Variants in PTPRG observed in about 807,000 individuals in gnomAD.
PTPRG encodes protein tyrosine phosphatase receptor type G.
In PTPRG, 102 loss-of-function variants were observed where a neutral mutation model predicts 165.3. The observed-to-expected ratio is 0.62, with a 90% CI of 0.53 to 0.73. The LOEUF (loss-of-function observed/expected upper bound fraction) is 0.73. Ranked by LOEUF, PTPRG falls within the 30% of genes least tolerant of loss-of-function variation. PTPRG has a pLI of 0.00. For synonymous variants in PTPRG, 675 were observed against 669.5 expected, an observed-to-expected ratio of 1.01 and a Z score of -0.13; for missense variants, 1,866 against 1,861.4, an observed-to-expected ratio of 1.00 and a Z score of -0.05.
intron 2 of PTPRG, among the ~76,000 whole-genome samples, chr3:61,976,885 G>T (rs1194764455): frequency 6.6e-6 from 1 of 152,052 alleles, no homozygotes; most frequent in African/African-American, 2.4e-5. Context: ...CTGTTGGCCA[G>T]CCTGTCCTTC....
rs1306278340 is a variant in PTPRG, at chr3:62,296,027, TTAGCTC to T, written c.*2724_*2729del. 6.6e-6 allele frequency: 1 copy of T among 152,074 alleles called. No individual in the cohort carries two copies. Among genetic ancestry groups the T allele is most frequent in the Non-Finnish European group, 1.5e-5 (1 of 67,988 alleles). 9.4% of individuals were successfully genotyped at this position (152,074 alleles called of 1,614,324 possible). On this transcript the variant is annotated 3_prime_UTR_variant, in exon 30 of 30. Coordinates refer to ENST00000474889, the MANE Select transcript of PTPRG (RefSeq NM_002841.4). The stretch of plus-strand genomic sequence containing the variant: ...AAATAAGCTGTTTGTGTATATGAAT[TTAGCTC>T]TAGGTAAGCAAAATGCACACATCAT...
chr3:61,584,039 T>C (rs985345761), intron 1 of PTPRG, among the ~76,000 whole-genome samples: 3 of 152,188 alleles, frequency 2.0e-5, no homozygotes, highest in African/African-American at 7.2e-5. Flanking sequence ...CATTTCTTTG[T>C]TTGGTTTTTC....
chr3:62,099,273 G>A (rs1226568251), intron 5 of PTPRG, among the ~76,000 whole-genome samples: 2 of 152,208 alleles, frequency 1.3e-5, no homozygotes, highest in Non-Finnish European at 2.9e-5. Flanking sequence ...TAATTCTGGT[G>A]TAAGCAAGCC....
intron 4 of PTPRG, among the ~76,000 whole-genome samples, chr3:62,074,674 G>T (rs930148542): frequency 6.6e-6 from 1 of 151,972 alleles, no homozygotes; most frequent in African/African-American, 2.4e-5. Context: ...CGTACACCAC[G>T]TTTCTTCATA....
intron 6 of PTPRG, among the ~76,000 whole-genome samples, chr3:62,148,890 G>C (rs1016309842): frequency 6.6e-6 from 1 of 152,132 alleles, no homozygotes; most frequent in African/African-American, 2.4e-5. Context: ...GTAGAAAGAT[G>C]GGCATAAGGA....
intron 4 of PTPRG, among the ~76,000 whole-genome samples, chr3:62,010,164 C>A (rs1475534686): frequency 6.6e-6 from 1 of 152,258 alleles, no homozygotes; most frequent in South Asian, 2.1e-4. Flanking sequence ...AGCAGTCCTC[C>A]CTCTTCGCCC....
At chr3:61,946,439 G>C (rs1297560918) in intron 2 of PTPRG, among the ~76,000 whole-genome samples, 1 of 152,184 alleles carries the variant, frequency 6.6e-6, no homozygotes, top group African/African-American at 2.4e-5. Context: ...TAAAGACTTA[G>C]GTTCTAATTA....
chr3:61,578,682 G>A (rs1700218804), intron 1 of PTPRG, among the ~76,000 whole-genome samples: 1 of 152,236 alleles, frequency 6.6e-6, no homozygotes, highest in South Asian at 2.1e-4. Flanking sequence ...TGAGAAAACA[G>A]TTAGGTCTGC....
chr3:61,689,924 T>C (rs1411597797), intron 1 of PTPRG, among the ~76,000 whole-genome samples: 1 of 152,200 alleles, frequency 6.6e-6, no homozygotes, highest in Non-Finnish European at 1.5e-5. Context: ...TCTGAAGATT[T>C]TCTAGCTAGA....
intron 5 of PTPRG, among the ~76,000 whole-genome samples, chr3:62,098,972 G>A (rs1702202510): frequency 6.6e-6 from 1 of 152,194 alleles, no homozygotes; most frequent in Non-Finnish European, 1.5e-5. Context: ...AGTGCCACTA[G>A]ACAGACACAT....
At chr3:61,739,074 G>A (rs972499554) in intron 1 of PTPRG, 3 of 141,960 alleles carry the variant, frequency 2.1e-5, no homozygotes, top group African/African-American at 7.8e-5. Context: ...CTCCTCCCTG[G>A]TTGGCCTTCC....
At chr3:61,921,117 C>CTCCT (rs72298352) in intron 2 of PTPRG, among the ~76,000 whole-genome samples, 8,887 of 148,532 alleles carry the variant, frequency 0.06, 281 homozygotes, top group Admixed American at 0.1. Flanking sequence ...TTCCATCCAT[C>CTCCT]TCCTTCCTTC....
At chr3:62,088,721 A>G (rs1701833618) in intron 5 of PTPRG, among the ~76,000 whole-genome samples, 1 of 152,252 alleles carries the variant, frequency 6.6e-6, no homozygotes, top group African/African-American at 2.4e-5. Context: ...ACTTGAAATC[A>G]GCGAGAGCTA....
intron 6 of PTPRG, among the ~76,000 whole-genome samples, chr3:62,135,622 T>C (rs1038129074): frequency 6.6e-6 from 1 of 152,142 alleles, no homozygotes; most frequent in Non-Finnish European, 1.5e-5. Context: ...ATTTGGCAGT[T>C]GGTCATTAGG....
intron 13 of PTPRG, among the ~76,000 whole-genome samples, chr3:62,221,554 G>A (rs553538430): frequency 2.0e-5 from 3 of 152,310 alleles, no homozygotes; most frequent in Non-Finnish European, 4.4e-5. Context: ...GGAGACATGC[G>A]TTTCCCTTTG....
At chr3:61,573,364 A>G (rs1057181006) in intron 1 of PTPRG, among the ~76,000 whole-genome samples, 3 of 152,164 alleles carry the variant, frequency 2.0e-5, no homozygotes, top group Non-Finnish European at 4.4e-5. Context: ...TTTTTTACAC[A>G]ATATTGCTGC....
chr3:61,977,300 C>T (rs1286550114), intron 2 of PTPRG, among the ~76,000 whole-genome samples: 1 of 151,962 alleles, frequency 6.6e-6, no homozygotes. Flanking sequence ...GTGATAAAAC[C>T]TCAGGGGTTT....
At chr3:62,246,487 A>G (rs1170398275) in intron 15 of PTPRG, among the ~76,000 whole-genome samples, 13 of 152,192 alleles carry the variant, frequency 8.5e-5, no homozygotes, top group African/African-American at 3.1e-4. Context: ...CATTTGGAAA[A>G]TATTTTAATT....
intron 15 of PTPRG, among the ~76,000 whole-genome samples, chr3:62,246,562 C>T: frequency 6.6e-6 from 1 of 152,096 alleles, no homozygotes; most frequent in African/African-American, 2.4e-5. Context: ...TTAGTTATAG[C>T]AGTACAACGG....
Sources: allele counts gnomAD v4.1 joint callset (sites outside exome capture counted in the v4.1 genomes callset), GRCh38; gene constraint gnomAD v4.1.1; transcripts MANE v1.5; gene names NCBI Gene and HGNC (gene_info 2026-07-23, HGNC 2026-07-21).